The following RBBP5 variants were observed in gnomAD, a reference collection of about 807,000 sequenced individuals.
RBBP5 encodes RB binding protein 5, histone lysine methyltransferase complex subunit.
A neutral mutation model predicts 72.2 loss-of-function variants in RBBP5; 5 were observed. The observed-to-expected ratio is 0.07, with a 90% CI of 0.04 to 0.15. The LOEUF is 0.15. Ranked by LOEUF, RBBP5 falls within the 10% of genes least tolerant of loss-of-function variation. The pLI, the probability that RBBP5 is intolerant of heterozygous loss-of-function variation, is 1.00. For synonymous variants in RBBP5, 209 were observed against 237.2 expected (o/e 0.88, Z 1.09); for missense variants, 322 against 652.2 (o/e 0.49, Z 5.51).
At position 205,087,213 on chromosome 1, in the gene RBBP5, T is replaced by TC. The variant is rs2151209155; in HGVS notation, c.*1573_*1574insG. The TC allele has an allele frequency of 6.6e-6, 1 of 151,832 alleles. No individual in the cohort carries two copies. Among genetic ancestry groups the TC allele is most frequent in the South Asian group, 2.1e-4 (1 of 4,770 alleles). The allele number at this position is 151,832 out of a possible 1,614,324, so 9.4% of individuals were successfully genotyped here. On this transcript the variant is annotated 3_prime_UTR_variant, in exon 14 of 14. Coordinates refer to ENST00000264515, the MANE Select transcript of RBBP5 (RefSeq NM_005057.4). ...AACTGATATCATTTTTTTTTTTTTT[T>TC]TGAGATAGAGTCTCATTCTGTCACC...
At chr1:205,096,934 AGGGATTGG>A (rs1320159674) in intron 11 of RBBP5, 23 bp from the exon 12 acceptor site, 3 of 1,544,914 alleles carry the variant, frequency 1.9e-6, no homozygotes, top group Admixed American at 4.2e-5. Flanking sequence ...GGATCAGACA[AGGGATTGG>A]AAAAAAGAGG....
intron 10 of RBBP5, among the ~76,000 whole-genome samples, 161 bp downstream of exon 10, chr1:205,098,828 G>A (rs1443423480): frequency 7.5e-6 from 1 of 132,874 alleles, no homozygotes; most frequent in African/African-American, 2.7e-5. Flanking sequence ...TGGGTGACAA[G>A]AGCGAAATTC....
chr1:205,100,423 A>AC (rs1655774441), intron 6 of RBBP5, 152 bp from the exon 7 acceptor site: 1 of 1,002,350 alleles, frequency 1.0e-6, no homozygotes, highest in Non-Finnish European at 1.4e-6. Flanking sequence ...AAACCAAAAT[A>AC]CAATTTTAAG....
rs1228853002 is a variant in RBBP5, at chr1:205,087,050, T to C, written c.*1737A>G. Reference sequence around the variant, plus strand: ...TTTGCAACTGACTCAGGGAGAGCTCTTTCTTCAACTACTGAATATACTGGT... The same window carrying C: ...TTTGCAACTGACTCAGGGAGAGCTCCTTCTTCAACTACTGAATATACTGGT... On this transcript the variant is annotated 3_prime_UTR_variant, in exon 14 of 14. Coordinates refer to ENST00000264515, the MANE Select transcript of RBBP5 (RefSeq NM_005057.4). 2.0e-5 allele frequency: 3 copies of C among 152,196 alleles called. No individual in the cohort carries two copies. The highest frequency in any genetic ancestry group is 6.5e-5 in the Admixed American group (1 of 15,280). 9.4% of individuals were successfully genotyped at this position (152,196 alleles called of 1,614,324 possible).
At chr1:205,113,983 C>G (rs564977672) in intron 3 of RBBP5, among the ~76,000 whole-genome samples, 1 of 152,288 alleles carries the variant, frequency 6.6e-6, no homozygotes, top group South Asian at 2.1e-4. Flanking sequence ...CCGCGCCTGG[C>G]CCTATTTGAA....
intron 3 of RBBP5, among the ~76,000 whole-genome samples, chr1:205,112,175 G>C (rs558055929): frequency 6.6e-6 from 1 of 151,946 alleles, no homozygotes; most frequent in Admixed American, 6.6e-5. Flanking sequence ...AAAATCAGCC[G>C]GTCATGGTGG....
In RBBP5 at chr1:205,088,732, T is replaced by C. The variant is rs1231133158; in HGVS notation, c.*55A>G. 2.6e-6 allele frequency: 4 copies of C among 1,525,110 alleles called. No individual in the cohort carries two copies. In the East Asian group the frequency reaches 6.9e-5, roughly 26 times the overall value. The allele number at this position is 1,525,110 out of a possible 1,614,324, so 94.5% of individuals were successfully genotyped here. A position where few individuals can be genotyped will look rare whatever the true frequency, so the allele number is the denominator to read the frequency against. On this transcript the variant is annotated 3_prime_UTR_variant, in exon 14 of 14. Transcript: ENST00000264515. ...TCAATTTTCAAATGACTGACCACAG[T>C]GTCCAGAGGCCACATGATGGCAAAG...
chr1:205,093,517 TATATATATATATATATACAC>T (rs1346119156), intron 13 of RBBP5, among the ~76,000 whole-genome samples: 55 of 16,552 alleles, frequency 3.3e-3, no homozygotes, highest in African/African-American at 0.022. Context: ...TATATATATA[TATATATATATATATATACAC>T]ACACACACAC....
intron 3 of RBBP5, among the ~76,000 whole-genome samples, chr1:205,110,359 TTC>T (rs1470344941): frequency 1.3e-5 from 2 of 152,130 alleles, no homozygotes; most frequent in Non-Finnish European, 2.9e-5. Context: ...GGGCCATTTT[TTC>T]TCTCTTTCAT....
At chr1:205,104,990 T>C in intron 4 of RBBP5, 38 bp downstream of exon 4, 1 of 1,606,096 alleles carries the variant, frequency 6.2e-7, no homozygotes, top group Non-Finnish European at 8.5e-7. Context: ...CCATATAGAA[T>C]TAGACCCCAC....
chr1:205,109,352 C>T (rs1656211246), intron 3 of RBBP5, among the ~76,000 whole-genome samples: 1 of 151,990 alleles, frequency 6.6e-6, no homozygotes, highest in Admixed American at 6.6e-5. Flanking sequence ...CAAGAAAAAG[C>T]AATACACATT....
chr1:205,096,155 T>C (rs1346365521), intron 12 of RBBP5, among the ~76,000 whole-genome samples: 1 of 151,894 alleles, frequency 6.6e-6, no homozygotes, highest in Non-Finnish European at 1.5e-5. Context: ...ATCATGCCAC[T>C]GCACTGCAGC....
At chr1:205,097,205 G>C in intron 11 of RBBP5, 121 bp downstream of exon 11, 1 of 967,774 alleles carries the variant, frequency 1.0e-6, no homozygotes, top group Non-Finnish European at 1.6e-6. Context: ...CACCAAACGA[G>C]TTATCTCTTT....
At chr1:205,108,705 A>G (rs902563409) in intron 3 of RBBP5, among the ~76,000 whole-genome samples, 1 of 152,162 alleles carries the variant, frequency 6.6e-6, no homozygotes, top group African/African-American at 2.4e-5. Flanking sequence ...AGGCAATATA[A>G]TCTCCATGGT....
chr1:205,086,844 T>C lies in RBBP5; in HGVS notation c.*1943A>G, dbSNP rs1342121327. Reference sequence around the variant, plus strand: ...ACGTGGAAAGATGGCAGAAACCCTCTAAGTCCCATAGTTTGCACACTGCTG... The same window carrying C: ...ACGTGGAAAGATGGCAGAAACCCTCCAAGTCCCATAGTTTGCACACTGCTG... On this transcript the variant is annotated 3_prime_UTR_variant, in exon 14 of 14. Transcript: ENST00000264515. 2.0e-5 allele frequency: 3 copies of C among 152,196 alleles called. No individual in the cohort carries two copies. Among genetic ancestry groups the C allele is most frequent in the Non-Finnish European group, 4.4e-5 (3 of 68,084 alleles). 9.4% of individuals were successfully genotyped at this position (152,196 alleles called of 1,614,324 possible). A position where few individuals can be genotyped will look rare whatever the true frequency, so the allele number is the denominator to read the frequency against.
In RBBP5 at chr1:205,099,599, A is replaced by C. The variant is rs933459949; in HGVS notation, c.978+142T>G. ...TCCCACCAAAATAAAGTGCAACTAG[A>C]TGCACTGAACCTATGTAATTTAGGT... On this transcript the variant is annotated intron_variant, in intron 9 of 13. Transcript: ENST00000264515. The surrounding 1 kb of genome is among the most constrained non-coding windows in gnomAD (Gnocchi z 4.7). 9 of 837,654 alleles carry C rather than the reference A, an allele frequency of 1.1e-5. No homozygotes were observed. Among genetic ancestry groups the C allele is most frequent in the Non-Finnish European group, 1.3e-5 (7 of 554,566 alleles). 51.9% of individuals were successfully genotyped at this position (837,654 alleles called of 1,614,324 possible). A position where few individuals can be genotyped will look rare whatever the true frequency, so the allele number is the denominator to read the frequency against.
At chr1:205,117,628 C>A (rs1656578211) in intron 1 of RBBP5, among the ~76,000 whole-genome samples, 1 of 151,480 alleles carries the variant, frequency 6.6e-6, no homozygotes, top group African/African-American at 2.4e-5. Flanking sequence ...CCATTGCACT[C>A]CAGCCTGGGC....
chr1:205,098,337 A>G (rs967901564), intron 10 of RBBP5, among the ~76,000 whole-genome samples: 4 of 152,174 alleles, frequency 2.6e-5, no homozygotes, highest in African/African-American at 9.7e-5. Flanking sequence ...GGAAAAGCTG[A>G]GCACTCTTAG....
intron 5 of RBBP5, among the ~76,000 whole-genome samples, chr1:205,102,026 A>G (rs1461133552): frequency 2.6e-5 from 4 of 151,290 alleles, no homozygotes; most frequent in Non-Finnish European, 5.9e-5. Context: ...CCTCCTGAGT[A>G]GCTGGGATTA....
Sources: allele counts gnomAD v4.1 joint callset (sites outside exome capture counted in the v4.1 genomes callset), GRCh38; gene constraint gnomAD v4.1.1; non-coding constraint Gnocchi (gnomAD v3.1); transcripts MANE v1.5; gene names NCBI Gene and HGNC (gene_info 2026-07-23, HGNC 2026-07-21).